The following WWOX variants were observed in gnomAD, a reference collection of about 807,000 sequenced individuals.
WWOX encodes WW domain-containing oxidoreductase.
A neutral mutation model predicts 46.2 loss-of-function variants in WWOX; 69 were observed. The ratio of observed to expected loss-of-function variants is 1.49; its 90% confidence interval spans 1.23 to 1.82. The LOEUF (loss-of-function observed/expected upper bound fraction) is 1.82, where lower values mean the gene tolerates loss of function less well. Ranked by LOEUF, WWOX falls within the 40% of genes most tolerant of loss-of-function variation. The probability of loss-of-function intolerance (pLI) is 0.00; values close to 1 mark genes in which losing one functional copy is unlikely to be tolerated. For synonymous variants in WWOX, 359 were observed against 202.6 expected, an observed-to-expected ratio of 1.77 and a Z score of -6.56; for missense variants, 919 against 542.6, an observed-to-expected ratio of 1.69 and a Z score of -6.89.
chr16:79,105,881 C>A (rs1385806039), intron 8 of WWOX: 2 of 152,180 alleles, frequency 1.3e-5, no homozygotes, highest in Non-Finnish European at 2.9e-5. Context: ...CCTTTTTACA[C>A]AAGCTGGCCT....
intron 8 of WWOX, among the ~76,000 whole-genome samples, chr16:78,790,382 G>A (rs546664508): frequency 8.5e-5 from 13 of 152,192 alleles, no homozygotes; most frequent in Middle Eastern, 6.8e-3. Context: ...TGATTTGCCC[G>A]CCCCAGCCTC....
At chr16:78,783,846 A>ATGGTGATATGACGCTGATGT (rs2050389444) in intron 8 of WWOX, among the ~76,000 whole-genome samples, 1 of 151,080 alleles carries the variant, frequency 6.6e-6, no homozygotes, top group Non-Finnish European at 1.5e-5. Context: ...GGTGATGATG[A>ATGGTGATATGACGCTGATGT]TGGTGATATG....
At chr16:78,673,579 G>A (rs1212467590) in intron 8 of WWOX, among the ~76,000 whole-genome samples, 5 of 152,166 alleles carry the variant, frequency 3.3e-5, no homozygotes, top group African/African-American at 7.2e-5. Context: ...GGAGTTAGAC[G>A]TTGGCAGGCA....
At chr16:78,108,530 G>C (rs893653293) in intron 2 of WWOX, 43 bp downstream of exon 2, 1 of 1,606,424 alleles carries the variant, frequency 6.2e-7, no homozygotes, top group Non-Finnish European at 8.5e-7. Flanking sequence ...GAAGCATTAA[G>C]TAGATGAGGA....
chr16:78,542,997 C>T (rs1382997508), intron 8 of WWOX, among the ~76,000 whole-genome samples: 1 of 152,172 alleles, frequency 6.6e-6, no homozygotes, highest in Non-Finnish European at 1.5e-5. Context: ...CATGGTCTAC[C>T]TGTGTGACTG....
At chr16:78,148,423 T>C (rs186190002) in intron 4 of WWOX, among the ~76,000 whole-genome samples, 2 of 152,220 alleles carry the variant, frequency 1.3e-5, no homozygotes, top group East Asian at 1.9e-4. Context: ...TGTTACTTTC[T>C]TGTATTAAGA....
intron 8 of WWOX, among the ~76,000 whole-genome samples, chr16:78,704,544 T>C (rs1159572234): frequency 6.6e-6 from 1 of 152,180 alleles, no homozygotes; most frequent in Non-Finnish European, 1.5e-5. Context: ...CAGCTCTCCA[T>C]ACAGTTTACG....
chr16:78,917,285 A>T (rs547226935), intron 8 of WWOX, among the ~76,000 whole-genome samples: 1 of 152,170 alleles, frequency 6.6e-6, no homozygotes, highest in Non-Finnish European at 1.5e-5. Flanking sequence ...CCCTAACTCA[A>T]ATCAGAATTT....
chr16:78,460,972 C>A (rs896732818), intron 8 of WWOX, among the ~76,000 whole-genome samples: 29 of 148,820 alleles, frequency 1.9e-4, no homozygotes, highest in African/African-American at 7.1e-4. Context: ...TTACTAAGTT[C>A]TTGCCACAGG....
chr16:78,540,173 G>A (rs1280938083), intron 8 of WWOX, among the ~76,000 whole-genome samples: 2 of 151,358 alleles, frequency 1.3e-5, no homozygotes, highest in Admixed American at 6.6e-5. Flanking sequence ...TTTAGGTATA[G>A]TTAGAAAAAG....
intron 8 of WWOX, among the ~76,000 whole-genome samples, chr16:78,849,653 T>C (rs1460704754): frequency 6.6e-6 from 1 of 152,056 alleles, no homozygotes; most frequent in Non-Finnish European, 1.5e-5. Context: ...ATTTCGTTTC[T>C]GTATTTGAGG....
At chr16:78,393,727 T>A (rs776923428) in intron 6 of WWOX, among the ~76,000 whole-genome samples, 2 of 152,180 alleles carry the variant, frequency 1.3e-5, no homozygotes, top group Non-Finnish European at 2.9e-5. Flanking sequence ...TTTTTAGAAC[T>A]GCATTTTTGA....
intron 8 of WWOX, among the ~76,000 whole-genome samples, chr16:78,556,599 C>T (rs931896599): frequency 1.2e-4 from 19 of 152,138 alleles, no homozygotes; most frequent in African/African-American, 4.3e-4. Context: ...TTGCCGTGCC[C>T]ACCACGACTG....
At chr16:79,052,821 A>G (rs1489031455) in intron 8 of WWOX, among the ~76,000 whole-genome samples, 1 of 152,184 alleles carries the variant, frequency 6.6e-6, no homozygotes, top group African/African-American at 2.4e-5. Flanking sequence ...TCTTTATGGC[A>G]CTGAGGAGCA....
At chr16:79,083,488 A>C (rs1042662960) in intron 8 of WWOX, among the ~76,000 whole-genome samples, 2 of 152,230 alleles carry the variant, frequency 1.3e-5, no homozygotes, top group African/African-American at 4.8e-5. Flanking sequence ...CGGCTGTTGC[A>C]GTAGAACCTA....
Position 78,801,016 on chromosome 16 carries a change from C to T in WWOX, c.1056+368264C>T, listed in dbSNP as rs551897044. On this transcript the variant is annotated intron_variant, in intron 8 of 8. Coordinates refer to ENST00000566780, the MANE Select transcript of WWOX (RefSeq NM_016373.4). Reference sequence around the variant, plus strand: ...TGTAATAGTTTATTTATTTCATGCTCCACTTTTCTGGGCAGTTTTGTTGTC... The same window carrying T: ...TGTAATAGTTTATTTATTTCATGCTTCACTTTTCTGGGCAGTTTTGTTGTC... Among the ~76,000 whole-genome samples, 12 of 151,868 alleles carry T rather than the reference C, an allele frequency of 7.9e-5. No individual in the cohort carries two copies. The East Asian group carries it at 2.3e-3, about 29-fold the overall frequency.
intron 5 of WWOX, among the ~76,000 whole-genome samples, chr16:78,213,273 T>C (rs1002662365): frequency 1.6e-5 from 2 of 123,846 alleles, no homozygotes; most frequent in African/African-American, 6.4e-5. Context: ...AAAAAAAAAA[T>C]CTTTCAGGGA....
chr16:78,259,473 C>T (rs2038222743), intron 5 of WWOX, among the ~76,000 whole-genome samples: 1 of 144,956 alleles, frequency 6.9e-6, no homozygotes, highest in Non-Finnish European at 1.5e-5. Context: ...ACTACAGGCA[C>T]ACGCCACTAT....
intron 8 of WWOX, among the ~76,000 whole-genome samples, chr16:78,954,412 A>G (rs1006772107): frequency 6.6e-6 from 1 of 152,166 alleles, no homozygotes; most frequent in African/African-American, 2.4e-5. Context: ...GCATGGATGA[A>G]TGAGTAGTTG....
Sources: allele counts gnomAD v4.1 joint callset (sites outside exome capture counted in the v4.1 genomes callset), GRCh38; gene constraint gnomAD v4.1.1; transcripts MANE v1.5; gene names NCBI Gene and HGNC (gene_info 2026-07-23, HGNC 2026-07-21).